MPP7: variants seen among roughly 807,000 people sequenced by gnomAD.
MPP7 encodes the protein MAGUK p55 scaffold protein 7, also known as MAGUK p55 subfamily member 7.
Under a neutral mutation model 76.5 loss-of-function variants are expected in MPP7, and 60 were observed. The ratio of observed to expected loss-of-function variants is 0.78; its 90% CI spans 0.64 to 0.97. The LOEUF (loss-of-function observed/expected upper bound fraction) is 0.97. Among genes scored for constraint, MPP7 ranks in the 50% least tolerant of loss-of-function variants. MPP7 has a pLI of 0.00. For missense variants in MPP7, 641 were observed against 694.0 expected, an observed-to-expected ratio of 0.92 and a Z score of 0.86; for synonymous variants, 237 against 244.5, an observed-to-expected ratio of 0.97 and a Z score of 0.29.
intron 2 of MPP7, among the ~76,000 whole-genome samples, chr10:28,215,644 C>T (rs1239953145): frequency 1.3e-5 from 2 of 152,116 alleles, no homozygotes; most frequent in African/African-American, 4.8e-5. Context: ...ACTCTAGGCT[C>T]ATGCTTAGAC....
At chr10:28,326,504 G>A (rs1292656791) in intron 2 of MPP7, among the ~76,000 whole-genome samples, 1 of 152,066 alleles carries the variant, frequency 6.6e-6, no homozygotes, top group Non-Finnish European at 1.5e-5. Context: ...CAATGCTCCG[G>A]GCTCAATTTT....
At chr10:28,241,808 C>A (rs1839279653) in intron 1 of MPP7, among the ~76,000 whole-genome samples, 1 of 152,132 alleles carries the variant, frequency 6.6e-6, no homozygotes, top group South Asian at 2.1e-4. Flanking sequence ...TTTAAAAGGG[C>A]TTATTTTTGA....
chr10:28,279,690 G>A (rs1195923455), intron 1 of MPP7, among the ~76,000 whole-genome samples: 1 of 150,784 alleles, frequency 6.6e-6, no homozygotes, highest in African/African-American at 2.5e-5. Context: ...GGGTGACAGA[G>A]CGAGACGCTG....
chr10:28,181,851 C>T (rs1354321761), intron 3 of MPP7, among the ~76,000 whole-genome samples: 1 of 152,098 alleles, frequency 6.6e-6, no homozygotes, highest in Admixed American at 6.5e-5. Context: ...CAGAGGACCC[C>T]GCTAGAGCCA....
intron 1 of MPP7, among the ~76,000 whole-genome samples, chr10:28,275,004 T>C (rs1410370789): frequency 6.6e-6 from 1 of 152,236 alleles, no homozygotes; most frequent in South Asian, 2.1e-4. Context: ...ATAATCAGAA[T>C]TCAATACATC....
chr10:28,312,439 T>A (rs111823274), intron 2 of MPP7, among the ~76,000 whole-genome samples: 159 of 152,288 alleles, frequency 1.0e-3, no homozygotes, highest in African/African-American at 3.4e-3. Context: ...TGCTGATTGG[T>A]GCGTTTTACA....
chr10:28,109,584 G>T (rs1165460858), intron 11 of MPP7, among the ~76,000 whole-genome samples: 2 of 151,812 alleles, frequency 1.3e-5, no homozygotes. Context: ...CCAGCCCATT[G>T]AGCCTGTGTA....
intron 1 of MPP7, among the ~76,000 whole-genome samples, chr10:28,330,182 C>T (rs557516684): frequency 2.0e-5 from 3 of 152,284 alleles, no homozygotes; most frequent in South Asian, 2.1e-4. Flanking sequence ...TTCCTTTCAA[C>T]GACAACTATA....
chr10:28,085,463 C>T (rs1355007923), intron 12 of MPP7, among the ~76,000 whole-genome samples: 1 of 152,142 alleles, frequency 6.6e-6, no homozygotes, highest in East Asian at 1.9e-4. Flanking sequence ...TTGGGAACAG[C>T]AGAGGGTAGT....
chr10:28,192,898 A>T (rs1837455622), intron 3 of MPP7, among the ~76,000 whole-genome samples: 2 of 152,262 alleles, frequency 1.3e-5, no homozygotes, highest in Admixed American at 1.3e-4. Context: ...TCAAGGCAGC[A>T]TGTGTTGATG....
At chr10:28,067,896 G>A (rs149232673) in intron 13 of MPP7, among the ~76,000 whole-genome samples, 1 of 152,232 alleles carries the variant, frequency 6.6e-6, no homozygotes, top group African/African-American at 2.4e-5. Context: ...GAATCCAAGT[G>A]CACCTATCAT....
chr10:28,187,378 G>T (rs781050284), intron 3 of MPP7, among the ~76,000 whole-genome samples: 39 of 152,190 alleles, frequency 2.6e-4, no homozygotes, highest in Admixed American at 5.9e-4. Context: ...AAACTATAAC[G>T]TAAGAAATAA....
chr10:28,254,474 A>G (rs1051537631), intron 1 of MPP7, among the ~76,000 whole-genome samples: 3 of 152,184 alleles, frequency 2.0e-5, no homozygotes, highest in Non-Finnish European at 4.4e-5. Context: ...AACTCTTAAA[A>G]CAGTACTGAC....
At chr10:28,076,879 C>A (rs1282728837) in intron 12 of MPP7, among the ~76,000 whole-genome samples, 1 of 144,350 alleles carries the variant, frequency 6.9e-6, no homozygotes, top group Admixed American at 7.1e-5. Flanking sequence ...CAGAGTAAGA[C>A]TCCGTCTGAA....
chr10:28,128,244 G>A (rs762011706), intron 6 of MPP7, among the ~76,000 whole-genome samples: 12 of 152,298 alleles, frequency 7.9e-5, no homozygotes, highest in Non-Finnish European at 1.6e-4. Flanking sequence ...TTAATCCCTT[G>A]TCTGAAATGC....
chr10:28,329,741 TA>T (rs1349532129), intron 2 of MPP7, among the ~76,000 whole-genome samples: 6 of 152,136 alleles, frequency 3.9e-5, no homozygotes, highest in Non-Finnish European at 5.9e-5. Flanking sequence ...ATTTGTAGTT[TA>T]AATTAAATGA....
At chr10:28,321,705 C>T (rs1409855948) in intron 2 of MPP7, among the ~76,000 whole-genome samples, 1 of 152,154 alleles carries the variant, frequency 6.6e-6, no homozygotes, top group Non-Finnish European at 1.5e-5. Context: ...CTGCCTCAGC[C>T]TCCTGAGTAG....
intron 11 of MPP7, among the ~76,000 whole-genome samples, chr10:28,092,004 T>A (rs1031896142): frequency 1.3e-5 from 2 of 152,216 alleles, no homozygotes; most frequent in African/African-American, 4.8e-5. Context: ...ATGGATATCA[T>A]AGGATGACTG....
rs771947504 is a variant in MPP7 at position 28,052,575 on chromosome 10, T to G, written c.*1490A>C. 3 of 152,624 alleles carry G rather than the reference T, an allele frequency of 2.0e-5. No homozygotes were observed. Among genetic ancestry groups the G allele is most frequent in the Admixed American group, 6.5e-5 (1 of 15,278 alleles). The allele number at this position is 152,624 out of a possible 1,614,324, so 9.5% of individuals were successfully genotyped here. On this transcript the variant is annotated 3_prime_UTR_variant, in exon 17 of 17. Coordinates refer to ENST00000683449, the MANE Select transcript of MPP7 (RefSeq NM_001318170.2). ...GATCTATCTTTGTAAAGCTCAAATA[T>G]TTACATGGAATGTTGACCATGATTT...
Sources: allele counts gnomAD v4.1 joint callset (sites outside exome capture counted in the v4.1 genomes callset), GRCh38; gene constraint gnomAD v4.1.1; transcripts MANE v1.5; gene names NCBI Gene and HGNC (gene_info 2026-07-23, HGNC 2026-07-21).